KAT6B: variants seen among roughly 807,000 people sequenced by gnomAD.
KAT6B encodes lysine acetyltransferase 6B.
In KAT6B, 10 loss-of-function variants were observed where a neutral mutation model predicts 187.5. The observed-to-expected ratio is 0.05, with a 90% CI of 0.03 to 0.09. KAT6B has a LOEUF of 0.09. Ranked by LOEUF, KAT6B falls within the 10% of genes least tolerant of loss-of-function variation. The probability of loss-of-function intolerance (pLI) is 1.00; values close to 1 mark genes in which losing one functional copy is unlikely to be tolerated. For missense variants in KAT6B, 1,952 were observed against 2,558.9 expected, an observed-to-expected ratio of 0.76 and a Z score of 5.12; for synonymous variants, 861 against 926.8, an observed-to-expected ratio of 0.93 and a Z score of 1.29.
chr10:75,028,816 C>G lies in KAT6B; in HGVS notation c.3992C>G (p.Ala1331Gly), dbSNP rs201891685. The G allele has an allele frequency of 4.4e-5, 71 of 1,613,930 alleles. No individual in the cohort carries two copies. The East Asian group carries it at 1.1e-3, about 24-fold the overall frequency. ...QEENRREETCAPVSPNTSPGE... is the reference protein window; with the variant it reads ...QEENRREETCGPVSPNTSPGE... ...GAAAACAGAAGGGAAGAAACATGTG[C>G]CCCTGTAAGTCCAAACACATCACCA... Residue 1331 changes from alanine (A) to glycine (G), a missense_variant, in exon 18 of 18, where the codon GCC becomes GGC. By Grantham distance (60) the Ala-to-Gly change is moderately conservative (BLOSUM62 0). Coordinates refer to ENST00000287239, the MANE Select transcript of KAT6B (RefSeq NM_012330.4).
chr10:74,938,795 G>T (rs576860944), intron 3 of KAT6B, among the ~76,000 whole-genome samples: 1 of 152,154 alleles, frequency 6.6e-6, no homozygotes, highest in Admixed American at 6.5e-5. Context: ...GGAGTGCAAT[G>T]GCACAATCTC....
chr10:74,978,575 A>G (rs1268928610), intron 9 of KAT6B, among the ~76,000 whole-genome samples: 1 of 152,232 alleles, frequency 6.6e-6, no homozygotes, highest in Non-Finnish European at 1.5e-5. Context: ...TCATTCCAAC[A>G]TGGTAAAACT....
At chr10:74,879,482 C>A (rs931525197) in intron 3 of KAT6B, among the ~76,000 whole-genome samples, 1 of 152,162 alleles carries the variant, frequency 6.6e-6, no homozygotes, top group Non-Finnish European at 1.5e-5. Flanking sequence ...GATATTGGAT[C>A]AGGGGAGGAT....
intron 3 of KAT6B, among the ~76,000 whole-genome samples, chr10:74,936,033 T>TA (rs1849241667): frequency 6.6e-6 from 1 of 152,224 alleles, no homozygotes; most frequent in Admixed American, 6.5e-5. Flanking sequence ...AATCTATCTT[T>TA]AGTACAGCCA....
intron 3 of KAT6B, among the ~76,000 whole-genome samples, chr10:74,949,239 A>T (rs1014605157): frequency 2.6e-5 from 4 of 152,214 alleles, no homozygotes; most frequent in African/African-American, 9.7e-5. Flanking sequence ...GTTGAATCAG[A>T]CTTTGGTCCC....
At chr10:74,937,655 T>A (rs536075920) in intron 3 of KAT6B, among the ~76,000 whole-genome samples, 2 of 152,364 alleles carry the variant, frequency 1.3e-5, no homozygotes, top group South Asian at 2.1e-4. Flanking sequence ...AAAGCCTGAC[T>A]ACCCTGGGAA....
chr10:74,880,624 G>GT (rs71145746), intron 3 of KAT6B, among the ~76,000 whole-genome samples: 12,308 of 151,350 alleles, frequency 0.081, 680 homozygotes, highest in South Asian at 0.27. Context: ...TCTTACTGAT[G>GT]TTTTTTTTTG....
intron 3 of KAT6B, among the ~76,000 whole-genome samples, chr10:74,882,828 C>T (rs1451112080): frequency 6.6e-6 from 1 of 152,198 alleles, no homozygotes; most frequent in East Asian, 1.9e-4. Context: ...AACATCTTTT[C>T]TGAGGGTTGA....
intron 3 of KAT6B, among the ~76,000 whole-genome samples, chr10:74,852,263 G>A (rs968379910): frequency 6.6e-6 from 1 of 152,198 alleles, no homozygotes; most frequent in Admixed American, 6.5e-5. Flanking sequence ...ACTGAAAATC[G>A]AATAAATCTC....
intron 3 of KAT6B, among the ~76,000 whole-genome samples, chr10:74,875,998 G>A (rs1484685012): frequency 1.3e-5 from 2 of 152,060 alleles, no homozygotes; most frequent in Non-Finnish European, 2.9e-5. Flanking sequence ...TTTCTAGTGT[G>A]CACCACTTTA....
chr10:74,941,855 T>G (rs1423562784), intron 3 of KAT6B, among the ~76,000 whole-genome samples: 2 of 152,164 alleles, frequency 1.3e-5, no homozygotes, highest in Non-Finnish European at 2.9e-5. Context: ...ATACTAAAAC[T>G]AGCCAAAAAC....
intron 17 of KAT6B, among the ~76,000 whole-genome samples, chr10:75,027,009 A>T (rs1845900616): frequency 6.6e-6 from 1 of 152,142 alleles, no homozygotes; most frequent in South Asian, 2.1e-4. Flanking sequence ...GTGGTGATGC[A>T]TGCCTGTAAG....
intron 13 of KAT6B, among the ~76,000 whole-genome samples, chr10:75,015,927 G>T (rs1045689702): frequency 6.6e-6 from 1 of 152,232 alleles, no homozygotes; most frequent in African/African-American, 2.4e-5. Context: ...GTGTGCAGGG[G>T]TGAGGGTGTC....
At chr10:74,882,130 AACTTC>A (rs1758093740) in intron 3 of KAT6B, among the ~76,000 whole-genome samples, 1 of 152,134 alleles carries the variant, frequency 6.6e-6, no homozygotes, top group Non-Finnish European at 1.5e-5. Context: ...CTTCCACTTT[AACTTC>A]ACTTAAGAGC....
At position 75,021,221 on chromosome 10, in the gene KAT6B, G is replaced by C. The variant is rs760628263; in HGVS notation, c.2957G>C (p.Arg986Thr). The C allele has an allele frequency of 2.5e-6, 4 of 1,614,164 alleles. No homozygotes were observed. Among genetic ancestry groups the C allele is most frequent in the East Asian group, 4.5e-5 (2 of 44,884 alleles). The change falls in exon 15 of 18, where the codon AGG (arginine) becomes ACG (threonine). Residue 986 changes from arginine to threonine, a missense_variant. Transcript: ENST00000287239. ...AATGAACTTGATCCAGACAGTCTGA[G>C]GTGGACCCCAATTTTAATTTCTAAT... ...RANELDPDSL[R>T]WTPILISNAA...
intron 3 of KAT6B, among the ~76,000 whole-genome samples, chr10:74,898,516 T>TC (rs1846145143): frequency 6.6e-6 from 1 of 152,124 alleles, no homozygotes; most frequent in Non-Finnish European, 1.5e-5. Context: ...CAGTGGCTGA[T>TC]CATTGCTCAC....
intron 12 of KAT6B, among the ~76,000 whole-genome samples, chr10:74,986,682 A>C (rs1047496274): frequency 1.3e-5 from 2 of 152,250 alleles, no homozygotes; most frequent in South Asian, 4.1e-4. Context: ...TAGAGAATTA[A>C]CACTGAATAA....
chr10:74,983,087 A>G (rs567572566), intron 11 of KAT6B: 21 of 152,222 alleles, frequency 1.4e-4, no homozygotes, highest in South Asian at 1.0e-3. Context: ...CTCTTTTTCT[A>G]TCAGCTCTTT....
intron 3 of KAT6B, among the ~76,000 whole-genome samples, chr10:74,885,015 A>G (rs1845133525): frequency 6.6e-6 from 1 of 152,188 alleles, no homozygotes; most frequent in African/African-American, 2.4e-5. Context: ...TGTGGCTGAG[A>G]CTGAGAAACT....
Sources: gnomAD v4.1 joint callset for allele counts (sites outside exome capture counted in the v4.1 genomes callset) on GRCh38, gnomAD v4.1.1 for gene constraint, MANE v1.5 for transcripts, NCBI Gene and HGNC (gene_info 2026-07-23, HGNC 2026-07-21) for gene names.